The following COQ2 variants were observed in gnomAD, a reference collection of about 807,000 sequenced individuals.
COQ2 encodes 4-hydroxybenzoate polyprenyltransferase, mitochondrial.
A neutral mutation model predicts 35.7 loss-of-function variants in COQ2; 25 were observed. The observed-to-expected ratio is 0.70, with a 90% CI of 0.51 to 0.98. COQ2 has a LOEUF of 0.98. Ranked by LOEUF, COQ2 falls within the 50% of genes least tolerant of loss-of-function variation. COQ2 has a pLI of 0.00. For missense variants in COQ2, 488 were observed against 473.5 expected, an observed-to-expected ratio of 1.03 and a Z score of -0.28; for synonymous variants, 206 against 186.2, an observed-to-expected ratio of 1.11 and a Z score of -0.86.
At chr4:83,270,710 A>G (rs1449070254) in intron 4 of COQ2, among the ~76,000 whole-genome samples, 1 of 152,100 alleles carries the variant, frequency 6.6e-6, no homozygotes, top group Non-Finnish European at 1.5e-5. Flanking sequence ...GTGGTCCCAT[A>G]GCACTCCTGC....
Position 83,273,161 on chromosome 4 carries a change from A to G in COQ2, c.542+335T>C, listed in dbSNP as rs80156082. ...TTAAGTCTACTTTAGAGATACTGTC[A>G]ACATAAATAAAATTATATATGTGTG... On this transcript the variant is annotated intron_variant, in intron 3 of 6. Coordinates refer to ENST00000647002, the MANE Select transcript of COQ2 (RefSeq NM_001358921.2). 1.0e-2 allele frequency among the ~76,000 whole-genome samples: 1,038 copies of G among 104,112 alleles called. 8 individuals are homozygous for G. Among genetic ancestry groups the G allele is most frequent in the Middle Eastern group, 0.046 (10 of 218 alleles). 68.3% of individuals were successfully genotyped at this position (104,112 alleles called of 152,430 possible). A position where few individuals can be genotyped will look rare whatever the true frequency, so the allele number is the denominator to read the frequency against.
At chr4:83,271,712 C>T (rs1735050839) in intron 4 of COQ2, among the ~76,000 whole-genome samples, 1 of 152,000 alleles carries the variant, frequency 6.6e-6, no homozygotes, top group South Asian at 2.1e-4. Context: ...ACTCAAGAGG[C>T]TGAGGTGGGA....
chr4:83,266,501 G>A (rs1262177319), intron 6 of COQ2, among the ~76,000 whole-genome samples: 1 of 152,046 alleles, frequency 6.6e-6, no homozygotes, highest in Non-Finnish European at 1.5e-5. Context: ...GGGATTACAG[G>A]TGCCCACCAC....
intron 2 of COQ2, among the ~76,000 whole-genome samples, chr4:83,277,223 C>T (rs976575069): frequency 2.1e-4 from 32 of 152,188 alleles, no homozygotes; most frequent in African/African-American, 6.8e-4. Context: ...GTGTGCATGT[C>T]TTGGCAAATT....
chr4:83,282,552 TG>T, intron 1 of COQ2: 1 of 903,822 alleles, frequency 1.1e-6, no homozygotes, highest in Non-Finnish European at 1.3e-6. Flanking sequence ...AACCAAACCA[TG>T]CAGGCTGGTA....
intron 4 of COQ2, 104 bp from the exon 5 acceptor site, chr4:83,270,097 C>A: frequency 8.1e-7 from 1 of 1,234,654 alleles, no homozygotes; most frequent in South Asian, 1.4e-5. Flanking sequence ...GGGTATCAGA[C>A]TCTGTGTGTG....
chr4:83,269,529 G>T (rs1293439743), intron 5 of COQ2, among the ~76,000 whole-genome samples: 2 of 152,198 alleles, frequency 1.3e-5, no homozygotes, highest in Non-Finnish European at 2.9e-5. Context: ...TGAGGATAAT[G>T]TAAGTACTTT....
At chr4:83,283,594 T>A (rs1317746234) in intron 1 of COQ2, 1 of 985,378 alleles carries the variant, frequency 1.0e-6, no homozygotes, top group Non-Finnish European at 1.2e-6. Flanking sequence ...CACTTGCTTT[T>A]GTATCACTCA....
chr4:83,267,284 G>A, intron 6 of COQ2: 1 of 431,232 alleles, frequency 2.3e-6, no homozygotes, highest in South Asian at 1.8e-5. Context: ...TGCTGAGGTG[G>A]GAGGATTGCT....
chr4:83,277,315 C>T (rs1225660246), intron 2 of COQ2, among the ~76,000 whole-genome samples: 1 of 152,224 alleles, frequency 6.6e-6, no homozygotes, highest in Admixed American at 6.5e-5. Context: ...CCTCCAGCCA[C>T]ACACAGACCA....
In COQ2 at chr4:83,279,119, G is replaced by A. The variant is rs776701765; in HGVS notation, c.254-5C>T. 6.5e-7 allele frequency: 1 copy of A among 1,538,014 alleles called. No individual in the cohort carries two copies. The highest frequency in any genetic ancestry group is 8.7e-7 in the Non-Finnish European group (1 of 1,146,880). ...GTAAATACAGAAGCCAGGTTCCTAA[G>A]CAAAAATAAAAAGACAAAAAAGGTA... On this transcript the variant is annotated splice_polypyrimidine_tract_variant and splice_region_variant and intron_variant, in intron 1 of 6. Coordinates refer to ENST00000647002, the MANE Select transcript of COQ2 (RefSeq NM_001358921.2).
chr4:83,276,569 A>G (rs1735188771), intron 2 of COQ2, among the ~76,000 whole-genome samples: 1 of 152,198 alleles, frequency 6.6e-6, no homozygotes, highest in Non-Finnish European at 1.5e-5. Flanking sequence ...GAGGATGTGG[A>G]GAAAGGGGAA....
intron 2 of COQ2, among the ~76,000 whole-genome samples, chr4:83,275,359 C>G (rs1315217290): frequency 6.6e-6 from 1 of 151,658 alleles, no homozygotes; most frequent in Non-Finnish European, 1.5e-5. Context: ...TTGCTACCAG[C>G]TGGGGTTACA....
chr4:83,272,857 C>G (rs1014256565), intron 3 of COQ2, among the ~76,000 whole-genome samples: 1 of 152,162 alleles, frequency 6.6e-6, no homozygotes, highest in East Asian at 1.9e-4. Flanking sequence ...AACACTACCC[C>G]TTCCAGAAAT....
chr4:83,284,559 C>A lies in COQ2; in HGVS notation c.206G>T (p.Arg69Leu). ...SAAAVVDSAP[R>L]PLQPYLRLMR... ...GAGGCGCAAGTACGGCTGCAGGGGG[C>A]GGGGCGCAGAGTCCACCACCGCCGC... The change falls in exon 1 of 7, where the codon CGC becomes CTC. Residue 69 changes from arginine (R) to leucine (L), a missense_variant. By Grantham distance (102) the Arg-to-Leu change is moderately radical. Coordinates refer to ENST00000647002, the MANE Select transcript of COQ2 (RefSeq NM_001358921.2). 1 of 1,567,360 alleles carries A rather than the reference C, an allele frequency of 6.4e-7. No homozygotes were observed. The highest frequency in any genetic ancestry group is 8.6e-7 in the Non-Finnish European group (1 of 1,158,322).
At chr4:83,267,878 A>T in intron 5 of COQ2, 104 bp from the exon 6 acceptor site, 1 of 968,276 alleles carries the variant, frequency 1.0e-6, no homozygotes, top group Non-Finnish European at 1.5e-6. Flanking sequence ...TATATTCACA[A>T]GGTTGTGCAA....
intron 2 of COQ2, among the ~76,000 whole-genome samples, chr4:83,278,156 G>C (rs1735229387): frequency 6.6e-6 from 1 of 151,970 alleles, no homozygotes; most frequent in African/African-American, 2.4e-5. Flanking sequence ...ATTCAATGTG[G>C]GTTTCTTTTA....
chr4:83,270,355 T>C (rs1163484516), intron 4 of COQ2, among the ~76,000 whole-genome samples: 2 of 152,132 alleles, frequency 1.3e-5, no homozygotes, highest in Non-Finnish European at 2.9e-5. Flanking sequence ...TCTCTCTGAC[T>C]CAAAAACCCA....
chr4:83,270,874 A>C (rs1735032676), intron 4 of COQ2, among the ~76,000 whole-genome samples: 1 of 152,186 alleles, frequency 6.6e-6, no homozygotes, highest in South Asian at 2.1e-4. Flanking sequence ...TGTTTGGAGT[A>C]AATATACCAG....
Sources: allele counts gnomAD v4.1 joint callset (sites outside exome capture counted in the v4.1 genomes callset), GRCh38; gene constraint gnomAD v4.1.1; transcripts MANE v1.5; gene names NCBI Gene and HGNC (gene_info 2026-07-23, HGNC 2026-07-21).